Variants in KRT75 observed in about 807,000 individuals in gnomAD.
The protein encoded by KRT75 is keratin, type II cytoskeletal 75.
Under a neutral mutation model 48.8 loss-of-function variants are expected in KRT75, and 35 were observed. That is an observed-to-expected ratio of 0.72 (90% CI 0.55 to 0.95). KRT75 has a LOEUF of 0.95. Ranked by LOEUF, KRT75 falls within the 40% of genes least tolerant of loss-of-function variation. KRT75 has a pLI of 0.00. For missense variants in KRT75, 776 were observed against 709.9 expected (o/e 1.09, Z -1.06); for synonymous variants, 301 against 282.3 (o/e 1.07, Z -0.66).
rs779742513 is a variant in KRT75, at chr12:52,432,044, G to A, written c.736C>T (p.Arg246Cys). Residue 246 changes from arginine to cysteine, a missense_variant, in exon 3 of 9, where the codon CGC becomes TGC. Coordinates refer to ENST00000252245, the MANE Select transcript of KRT75 (RefSeq NM_004693.3). ...KVRYEDEINK[R>C]TAAENEFVAL... ...ACAAATTCATTCTCAGCAGCTGTGC[G>A]CTTGTTAATTTCATCTTCGTACCTA... 76 of 1,614,046 alleles carry A rather than the reference G, an allele frequency of 4.7e-5. No homozygotes were observed. The highest frequency in any genetic ancestry group is 1.5e-4 in the Admixed American group (9 of 59,994).
chr12:52,426,336 C>G (rs576989550), intron 8 of KRT75, among the ~76,000 whole-genome samples: 1 of 152,332 alleles, frequency 6.6e-6, no homozygotes, highest in South Asian at 2.1e-4. Flanking sequence ...CAGAGTTGAG[C>G]CAAGCAGTGG....
At chr12:52,433,287 G>T in intron 1 of KRT75, 35 bp from the exon 2 acceptor site, 1 of 1,568,284 alleles carries the variant, frequency 6.4e-7, no homozygotes, top group Non-Finnish European at 8.8e-7. Flanking sequence ...ACCTTGAGAA[G>T]TTGGAGAGGC....
At chr12:52,430,466 G>T in intron 5 of KRT75, 75 bp downstream of exon 5, 1 of 1,456,986 alleles carries the variant, frequency 6.9e-7, no homozygotes, top group South Asian at 1.1e-5. Context: ...CGTTTCCTGA[G>T]GCTGAGTTAA....
chr12:52,424,403 G>T lies in KRT75; in HGVS notation c.*114C>A. On this transcript the variant is annotated 3_prime_UTR_variant, in exon 9 of 9. Transcript: ENST00000252245. Reference sequence around the variant, plus strand: ...GGAATGGGTATAGCCAGTACTCCAGGCTCCCAGCAGCACAGGTGCACCTTA... The same window carrying T: ...GGAATGGGTATAGCCAGTACTCCAGTCTCCCAGCAGCACAGGTGCACCTTA... The T allele has an allele frequency of 9.9e-7, 1 of 1,013,806 alleles. No individual in the cohort carries two copies. Among genetic ancestry groups the T allele is most frequent in the Non-Finnish European group, 1.6e-6 (1 of 635,356 alleles). 62.8% of individuals were successfully genotyped at this position (1,013,806 alleles called of 1,614,324 possible).
At chr12:52,427,634 T>C (rs1440639170) in intron 7 of KRT75, among the ~76,000 whole-genome samples, 3 of 152,220 alleles carry the variant, frequency 2.0e-5, no homozygotes, top group Non-Finnish European at 2.9e-5. Context: ...CTGTGTACCA[T>C]GCATTGTTCT....
chr12:52,424,211 G>T lies in KRT75; in HGVS notation c.*306C>A. ...GACTCCCCAGCCTCTGCATCTGGAGGGAGGGAGGGAGGTGGAGCTGGAGGA... is the reference window on the plus strand; with the variant it reads ...GACTCCCCAGCCTCTGCATCTGGAGTGAGGGAGGGAGGTGGAGCTGGAGGA... On this transcript the variant is annotated 3_prime_UTR_variant, in exon 9 of 9. Coordinates refer to ENST00000252245, the MANE Select transcript of KRT75 (RefSeq NM_004693.3). 1 of 462,406 alleles carries T rather than the reference G, an allele frequency of 2.2e-6. No homozygotes were observed. The allele number at this position is 462,406 out of a possible 1,614,324, so 28.6% of individuals were successfully genotyped here. A position where few individuals can be genotyped will look rare whatever the true frequency, so the allele number is the denominator to read the frequency against.
chr12:52,424,205 C>A lies in KRT75; in HGVS notation c.*312G>T. On this transcript the variant is annotated 3_prime_UTR_variant, in exon 9 of 9. Transcript: ENST00000252245. ...TTGAGAGACTCCCCAGCCTCTGCAT[C>A]TGGAGGGAGGGAGGGAGGTGGAGCT... 4.4e-6 allele frequency: 2 copies of A among 455,060 alleles called. No homozygotes were observed. The highest frequency in any genetic ancestry group is 8.2e-6 in the Non-Finnish European group (2 of 244,576). The allele number at this position is 455,060 out of a possible 1,614,324, so 28.2% of individuals were successfully genotyped here. A position where few individuals can be genotyped will look rare whatever the true frequency, so the allele number is the denominator to read the frequency against.
chr12:52,433,014 G>A (rs1438347811), intron 2 of KRT75, 24 bp downstream of exon 2: 3 of 1,609,940 alleles, frequency 1.9e-6, no homozygotes, highest in Admixed American at 1.7e-5. Flanking sequence ...GCTGTGTGTG[G>A]CCAGAAGCCA....
chr12:52,432,952 G>T, intron 2 of KRT75, 86 bp downstream of exon 2: 2 of 1,348,166 alleles, frequency 1.5e-6, no homozygotes, highest in Non-Finnish European at 2.1e-6. Context: ...GCTGATATCG[G>T]CATTTGCTCC....
In KRT75 at chr12:52,433,069, T is replaced by G; in HGVS notation, c.682A>C (p.Met228Leu). The G allele has an allele frequency of 6.2e-7, 1 of 1,614,060 alleles. No individual in the cohort carries two copies. The highest frequency in any genetic ancestry group is 8.5e-7 in the Non-Finnish European group (1 of 1,180,020). ...TTGAAATCTTCCACAACATCCTGCA[T>G]GTTCCTCAGTTCAGCTTCAAGCCTG... ...RGRLEAELRNMQDVVEDFKVR... is the reference protein window; with the variant it reads ...RGRLEAELRNLQDVVEDFKVR... Residue 228 changes from methionine to leucine, a missense_variant, in exon 2 of 9, where the codon ATG (methionine) becomes CTG (leucine). Physicochemically the swap from Met to Leu is conservative, Grantham distance 15. Transcript: ENST00000252245.
chr12:52,426,784 C>T, intron 8 of KRT75, 33 bp downstream of exon 8: 2 of 1,611,852 alleles, frequency 1.2e-6, no homozygotes, highest in South Asian at 1.1e-5. Context: ...ACCACACACA[C>T]TCCAAATGGC....
chr12:52,433,261 A>G lies in KRT75; in HGVS notation c.499-9T>C. 1 of 1,610,654 alleles carries G rather than the reference A, an allele frequency of 6.2e-7. No homozygotes were observed. The highest frequency in any genetic ancestry group is 8.5e-7 in the Non-Finnish European group (1 of 1,177,152). On this transcript the variant is annotated splice_polypyrimidine_tract_variant and intron_variant, in intron 1 of 8. Coordinates refer to ENST00000252245, the MANE Select transcript of KRT75 (RefSeq NM_004693.3). ...TGCTCCAAGAACCTCACCTGGAGGG[A>G]AGAAGAGAGAATGAAACCTTGAGAA...
chr12:52,433,942 G>T lies in KRT75; in HGVS notation c.363C>A (p.Ile121=). ...GACTCTGGTTGACAGTGACCTCTTG[G>T]ATGCCTCCAGGGGGACACACGGGGA... ...PSFPVCPPGG[I]QEVTVNQSLL... The change falls in exon 1 of 9, where the codon ATC becomes ATA. Residue 121 remains isoleucine, a synonymous_variant. Transcript: ENST00000252245. The T allele has an allele frequency of 6.2e-7, 1 of 1,614,188 alleles. No individual in the cohort carries two copies. Among genetic ancestry groups the T allele is most frequent in the Non-Finnish European group, 8.5e-7 (1 of 1,180,028 alleles).
Position 52,433,822 on chromosome 12 carries a change from G to A in KRT75, c.483C>T (p.Ala161=), listed in dbSNP as rs140482609. The A allele has an allele frequency of 4.5e-4, 731 of 1,614,192 alleles. 2 individuals are homozygous for A. Among genetic ancestry groups the A allele is most frequent in the South Asian group, 1.7e-3 (159 of 91,084 alleles). ...EQIKTLNNKF[A]SFIDKVRFLE... ...CCCTGCTTACCTTGTCGATGAAGGA[G>A]GCGAACTTATTGTTGAGGGTCTTGA... Residue 161 remains alanine, a synonymous_variant, in exon 1 of 9, where the codon GCC becomes GCT. Transcript: ENST00000252245.
intron 7 of KRT75, 48 bp downstream of exon 7, chr12:52,428,208 A>G (rs664354): frequency 0.59 from 954,342 of 1,608,168 alleles, 285,661 homozygotes; most frequent in Admixed American, 0.71. Context: ...CAGGAAGCTG[A>G]GGTGAGCTCA....
chr12:52,424,761 G>T lies in KRT75; in HGVS notation c.1418-6C>A. The T allele has an allele frequency of 1.9e-6, 3 of 1,600,550 alleles. No individual in the cohort carries two copies. Among genetic ancestry groups the T allele is most frequent in the Non-Finnish European group, 2.6e-6 (3 of 1,168,018 alleles). On this transcript the variant is annotated splice_polypyrimidine_tract_variant and splice_region_variant and intron_variant, in intron 8 of 8. Transcript: ENST00000252245. ...AAGAGTAGAGGTGACCACAGCTGCC[G>T]GGAAGAGAGGAGGTGTGGTCAGATC...
intron 8 of KRT75, among the ~76,000 whole-genome samples, chr12:52,426,241 T>C (rs1446066117): frequency 6.6e-6 from 1 of 152,220 alleles, no homozygotes; most frequent in Non-Finnish European, 1.5e-5. Context: ...CTCTCCTGTT[T>C]TAGAGCTACT....
In KRT75 at chr12:52,433,860, C is replaced by T. The variant is rs781361449; in HGVS notation, c.445G>A (p.Glu149Lys). The change falls in exon 1 of 9, where the codon GAG (glutamate) becomes AAG (lysine). Residue 149 changes from glutamate to lysine, a missense_variant. Transcript: ENST00000252245. Reference protein sequence around the residue: ...DPTIQRVRAEEREQIKTLNNK... With the variant: ...DPTIQRVRAEKREQIKTLNNK... ...TTGAGGGTCTTGATCTGCTCGCGCT[C>T]CTCGGCCCGCACCCGCTGGATGGTG... 10 of 1,614,022 alleles carry T rather than the reference C, an allele frequency of 6.2e-6. No homozygotes were observed. The East Asian group carries it at 2.0e-4, about 32-fold the overall frequency.
rs537450035 is a variant in KRT75 at position 52,434,322 on chromosome 12, G to A, written c.-18C>T. 24 of 1,580,582 alleles carry A rather than the reference G, an allele frequency of 1.5e-5. No homozygotes were observed. In the South Asian group the frequency reaches 1.9e-4, roughly 13 times the overall value. On this transcript the variant is annotated 5_prime_UTR_variant, in exon 1 of 9. Coordinates refer to ENST00000252245, the MANE Select transcript of KRT75 (RefSeq NM_004693.3). ...CGAGACATGGTGGGTGAGGAAGGCCGGCGAGAAGGCACCTGAGGTGGGCTG... is the reference window on the plus strand; with the variant it reads ...CGAGACATGGTGGGTGAGGAAGGCCAGCGAGAAGGCACCTGAGGTGGGCTG...
Sources: gnomAD v4.1 joint callset for allele counts (sites outside exome capture counted in the v4.1 genomes callset) on GRCh38, gnomAD v4.1.1 for gene constraint, MANE v1.5 for transcripts, NCBI Gene and HGNC (gene_info 2026-07-23, HGNC 2026-07-21) for gene names.